Variants in IFNA16 observed in about 807,000 individuals in gnomAD.
IFNA16 encodes interferon alpha 16.
For missense variants in IFNA16, 332 were observed against 213.5 expected (o/e 1.55, Z -3.46); for synonymous variants, 122 against 83.3 (o/e 1.46, Z -2.53).
In IFNA16 at chr9:21,216,907, G is replaced by A. The variant is rs1241845133; in HGVS notation, c.399C>T (p.Ala133=). The change falls in exon 1 of 1, where the codon GCC becomes GCT. Residue 133 remains alanine (A), a synonymous_variant. Transcript: ENST00000380216. ...CCAGGATGGAGTCCTCATTCATCAG[G>A]GCAATCTCTTCCACCCCAACCTCCT... ...VTQEVGVEEI[A]LMNEDSILAV... The A allele has an allele frequency of 6.2e-7, 1 of 1,613,844 alleles. No homozygotes were observed. The highest frequency in any genetic ancestry group is 8.5e-7 in the Non-Finnish European group (1 of 1,179,896).
chr9:21,216,726 G>A lies in IFNA16; in HGVS notation c.*10C>T. ...AATCAATGAGGATCATTTCCATGTT[G>A]AATGAGTTTTCAATCCTTCCTTCTT... On this transcript the variant is annotated 3_prime_UTR_variant, in exon 1 of 1. Transcript: ENST00000380216. 6.2e-7 allele frequency: 1 copy of A among 1,611,462 alleles called. No individual in the cohort carries two copies.
At position 21,217,141 on chromosome 9, in the gene IFNA16, G is replaced by C. The variant is rs139396991; in HGVS notation, c.165C>G (p.Asp55Glu). 7.4e-5 allele frequency: 119 copies of C among 1,614,062 alleles called. 1 individual carries two copies. In the African/African-American group the frequency reaches 1.3e-3, roughly 18 times the overall value. The change falls in exon 1 of 1, where the codon GAC (aspartate) becomes GAG (glutamate). Residue 55 changes from aspartate to glutamate, a missense_variant. Physicochemically the swap from Asp to Glu is conservative, Grantham distance 45. Coordinates refer to ENST00000380216, the MANE Select transcript of IFNA16 (RefSeq NM_002173.3). ...GRISHFSCLK[D>E]RYDFGFPQEV... is the part of the protein sequence containing the mutation. ...CCTGGGGGAATCCGAAATCATATCT[G>C]TCCTTCAGGCAGGAGAAATGAGAGA...
Position 21,216,787 on chromosome 9 carries a change from T to C in IFNA16, c.519A>G (p.Arg173=), listed in dbSNP as rs1322035327. ...AWEVVRAEIM[R]SFSFSTNLQK... ...GCAAGTTTGTTGAAAAAGAGAAGGA[T>C]CTCATGATTTCTGCTCTGACAACCT... Residue 173 remains arginine (R), a synonymous_variant, in exon 1 of 1, where the codon AGA becomes AGG. Transcript: ENST00000380216. 1 of 1,613,828 alleles carries C rather than the reference T, an allele frequency of 6.2e-7. No homozygotes were observed.
chr9:21,217,090 C>G lies in IFNA16; in HGVS notation c.216G>C (p.Gln72His). ...PQEVFDGNQF[Q>H]KAQAISAFHE... ...GGAAGGCAGAGATGGCTTGAGCCTT[C>G]TGGAACTGGTTGCCATCAAACACCT... Residue 72 changes from glutamine (Q) to histidine (H), a missense_variant, in exon 1 of 1, where the codon CAG becomes CAC. Physicochemically the swap from Gln to His is conservative, Grantham distance 24. Coordinates refer to ENST00000380216, the MANE Select transcript of IFNA16 (RefSeq NM_002173.3). The G allele has an allele frequency of 6.2e-7, 1 of 1,613,956 alleles. No individual in the cohort carries two copies. Among genetic ancestry groups the G allele is most frequent in the Non-Finnish European group, 8.5e-7 (1 of 1,179,928 alleles).
chr9:21,217,103 C>T lies in IFNA16; in HGVS notation c.203G>A (p.Gly68Asp), dbSNP rs572084461. ...DFGFPQEVFD[G>D]NQFQKAQAIS... ...GGCTTGAGCCTTCTGGAACTGGTTG[C>T]CATCAAACACCTCCTGGGGGAATCC... Residue 68 changes from glycine to aspartate, a missense_variant, in exon 1 of 1, where the codon GGC becomes GAC. Coordinates refer to ENST00000380216, the MANE Select transcript of IFNA16 (RefSeq NM_002173.3). The T allele has an allele frequency of 1.1e-5, 18 of 1,613,954 alleles. No homozygotes were observed. The South Asian group carries it at 1.5e-4, about 14-fold the overall frequency.
rs1818459778 is a variant in IFNA16, at chr9:21,216,766, G to C, written c.540C>G (p.Asn180Lys). ...CCTTCCTTCTTAATCCTTTTTGCAA[G>C]TTTGTTGAAAAAGAGAAGGATCTCA... ...EIMRSFSFST[N>K]LQKGLRRKD Residue 180 changes from asparagine to lysine, a missense_variant, in exon 1 of 1, where the codon AAC becomes AAG. Transcript: ENST00000380216. 1.9e-6 allele frequency: 3 copies of C among 1,610,976 alleles called. No individual in the cohort carries two copies. The highest frequency in any genetic ancestry group is 1.7e-5 in the Admixed American group (1 of 59,110).
rs1278974777 is a variant in IFNA16 at position 21,216,782 on chromosome 9, A to G, written c.524T>C (p.Phe175Ser). 1 of 1,613,786 alleles carries G rather than the reference A, an allele frequency of 6.2e-7. No homozygotes were observed. The highest frequency in any genetic ancestry group is 2.2e-5 in the East Asian group (1 of 44,876). ...EVVRAEIMRS[F>S]SFSTNLQKGL... Reference sequence around the variant, plus strand: ...TTTTTGCAAGTTTGTTGAAAAAGAGAAGGATCTCATGATTTCTGCTCTGAC... The same window carrying G: ...TTTTTGCAAGTTTGTTGAAAAAGAGGAGGATCTCATGATTTCTGCTCTGAC... Residue 175 changes from phenylalanine (F) to serine (S), a missense_variant, in exon 1 of 1, where the codon TTC (phenylalanine) becomes TCC (serine). By Grantham distance (155) the Phe-to-Ser change is radical (BLOSUM62 -2). Coordinates refer to ENST00000380216, the MANE Select transcript of IFNA16 (RefSeq NM_002173.3).
rs41313958 is a variant in IFNA16, at chr9:21,217,160, T to G, written c.146A>C (p.His49Pro). The change falls in exon 1 of 1, where the codon CAT (histidine) becomes CCT (proline). Residue 49 changes from histidine (H) to proline (P), a missense_variant. By Grantham distance (77) the His-to-Pro change is moderately conservative. Coordinates refer to ENST00000380216, the MANE Select transcript of IFNA16 (RefSeq NM_002173.3). The part of the protein sequence containing the change: ...ILLAQMGRIS[H>P]FSCLKDRYDF... The stretch of plus-strand genomic sequence containing the variant: ...ATATCTGTCCTTCAGGCAGGAGAAA[T>G]GAGAGATTCTTCCCATTTGTGCCAG... 11,937 of 1,613,708 alleles carry G rather than the reference T, an allele frequency of 7.4e-3. 91 individuals are homozygous for G. The highest frequency in any genetic ancestry group is 0.033 in the Middle Eastern group (199 of 6,058).
At position 21,216,900 on chromosome 9, in the gene IFNA16, T is replaced by C; in HGVS notation, c.406A>G (p.Asn136Asp). ...EVGVEEIALM[N>D]EDSILAVRKY... ...CTCACAGCCAGGATGGAGTCCTCAT[T>C]CATCAGGGCAATCTCTTCCACCCCA... The change falls in exon 1 of 1, where the codon AAT becomes GAT. Residue 136 changes from asparagine to aspartate, a missense_variant. Coordinates refer to ENST00000380216, the MANE Select transcript of IFNA16 (RefSeq NM_002173.3). The C allele has an allele frequency of 6.2e-7, 1 of 1,613,916 alleles. No individual in the cohort carries two copies. Among genetic ancestry groups the C allele is most frequent in the Non-Finnish European group, 8.5e-7 (1 of 1,179,868 alleles).
chr9:21,216,612 A>T lies in IFNA16; in HGVS notation c.*124T>A, dbSNP rs1286202697. The T allele has an allele frequency of 7.1e-7, 1 of 1,414,188 alleles. No individual in the cohort carries two copies. The highest frequency in any genetic ancestry group is 2.3e-5 in the East Asian group (1 of 43,082). 87.6% of individuals were successfully genotyped at this position (1,414,188 alleles called of 1,614,324 possible). On this transcript the variant is annotated 3_prime_UTR_variant, in exon 1 of 1. Coordinates refer to ENST00000380216, the MANE Select transcript of IFNA16 (RefSeq NM_002173.3). ...CACGATGCTTCTTTACACTCCTGAA[A>T]ACATTTGAAAATTTTGATTCAACTT...
In IFNA16 at chr9:21,216,984, A is replaced by G. The variant is rs781535699; in HGVS notation, c.322T>C (p.Phe108Leu). The change falls in exon 1 of 1, where the codon TTC (phenylalanine) becomes CTC (leucine). Residue 108 changes from phenylalanine (F) to leucine (L), a missense_variant. By Grantham distance (22) the Phe-to-Leu change is conservative. Coordinates refer to ENST00000380216, the MANE Select transcript of IFNA16 (RefSeq NM_002173.3). ...AGTTGCTGGAAAAGTTCAATGTAGA[A>G]TTTGTCTAGGAGGGTCTCATCCCAA... is the stretch of plus-strand genomic sequence containing the variant. Reference protein sequence around the residue: ...AAWDETLLDKFYIELFQQLND... With the variant: ...AAWDETLLDKLYIELFQQLND... The G allele has an allele frequency of 3.3e-5, 54 of 1,613,716 alleles. No individual in the cohort carries two copies. The Middle Eastern group carries it at 6.6e-4, about 20-fold the overall frequency.
chr9:21,216,928 C>A lies in IFNA16; in HGVS notation c.378G>T (p.Glu126Asp), dbSNP rs1447229582. The stretch of plus-strand genomic sequence containing the variant: ...TCAGGGCAATCTCTTCCACCCCAAC[C>A]TCCTGTGTCACACAGGCTTCTAGGT... The part of the protein sequence containing the change: ...LNDLEACVTQ[E>D]VGVEEIALMN... The change falls in exon 1 of 1, where the codon GAG becomes GAT. Residue 126 changes from glutamate to aspartate, a missense_variant. By Grantham distance (45) the Glu-to-Asp change is conservative (BLOSUM62 2). Coordinates refer to ENST00000380216, the MANE Select transcript of IFNA16 (RefSeq NM_002173.3). The A allele has an allele frequency of 6.2e-7, 1 of 1,614,030 alleles. No individual in the cohort carries two copies. Among genetic ancestry groups the A allele is most frequent in the Non-Finnish European group, 8.5e-7 (1 of 1,179,972 alleles).
rs1414466568 is a variant in IFNA16 at position 21,216,547 on chromosome 9, G to A, written c.*189C>T. The A allele has an allele frequency of 1.8e-6, 1 of 556,754 alleles. No individual in the cohort carries two copies. Among genetic ancestry groups the A allele is most frequent in the Non-Finnish European group, 2.9e-6 (1 of 345,060 alleles). 34.5% of individuals were successfully genotyped at this position (556,754 alleles called of 1,614,324 possible). A position where few individuals can be genotyped will look rare whatever the true frequency, so the allele number is the denominator to read the frequency against. On this transcript the variant is annotated 3_prime_UTR_variant, in exon 1 of 1. Coordinates refer to ENST00000380216, the MANE Select transcript of IFNA16 (RefSeq NM_002173.3). ...AATAAATAGATGAATAGAGACATCA[G>A]CATGGTCATCTGTAAAGGACTAGTG...
rs2132939038 is a variant in IFNA16, at chr9:21,216,912, T to C, written c.394A>G (p.Ile132Val). 1 of 1,613,938 alleles carries C rather than the reference T, an allele frequency of 6.2e-7. No homozygotes were observed. Among genetic ancestry groups the C allele is most frequent in the African/African-American group, 1.3e-5 (1 of 74,998 alleles). The stretch of plus-strand genomic sequence containing the variant: ...ATGGAGTCCTCATTCATCAGGGCAA[T>C]CTCTTCCACCCCAACCTCCTGTGTC... ...CVTQEVGVEE[I>V]ALMNEDSILA... is the part of the protein sequence containing the mutation. The change falls in exon 1 of 1, where the codon ATT (isoleucine) becomes GTT (valine). Residue 132 changes from isoleucine to valine, a missense_variant. Physicochemically the swap from Ile to Val is conservative, Grantham distance 29. Transcript: ENST00000380216.
rs776522247 is a variant in IFNA16 at position 21,216,850 on chromosome 9, A to G, written c.456T>C (p.Leu152=). 8.1e-6 allele frequency: 13 copies of G among 1,613,998 alleles called. No individual in the cohort carries two copies. Among genetic ancestry groups the G allele is most frequent in the Non-Finnish European group, 1.0e-5 (12 of 1,179,946 alleles). ...GGCTGTATTTCTTCCCCATCAGATA[A>G]AGAGTGATTCTTTGAAAGTATTTCC... ...AVRKYFQRIT[L]YLMGKKYSPC... Residue 152 remains leucine, a synonymous_variant, in exon 1 of 1, where the codon CTT becomes CTC. Transcript: ENST00000380216.
In IFNA16 at chr9:21,216,778, A is replaced by G; in HGVS notation, c.528T>C (p.Ser176=). The G allele has an allele frequency of 1.9e-6, 3 of 1,613,660 alleles. No individual in the cohort carries two copies. Among genetic ancestry groups the G allele is most frequent in the East Asian group, 4.5e-5 (2 of 44,874 alleles). The part of the protein sequence containing the change: ...VVRAEIMRSF[S]FSTNLQKGLR... ...ATCCTTTTTGCAAGTTTGTTGAAAA[A>G]GAGAAGGATCTCATGATTTCTGCTC... The change falls in exon 1 of 1, where the codon TCT becomes TCC. Residue 176 remains serine, a synonymous_variant. Coordinates refer to ENST00000380216, the MANE Select transcript of IFNA16 (RefSeq NM_002173.3).
At position 21,217,029 on chromosome 9, in the gene IFNA16, T is replaced by G; in HGVS notation, c.277A>C (p.Thr93Pro). The G allele has an allele frequency of 2.5e-6, 4 of 1,613,890 alleles. No individual in the cohort carries two copies. The highest frequency in any genetic ancestry group is 2.5e-6 in the Non-Finnish European group (3 of 1,179,876). ...MIQQTFNLFS[T>P]KDSSAAWDET... ...TCCCAAGCAGCAGATGAATCCTTTG[T>G]GCTGAAGAGATTGAAGGTCTGCTGG... The change falls in exon 1 of 1, where the codon ACA becomes CCA. Residue 93 changes from threonine (T) to proline (P), a missense_variant. By Grantham distance (38) the Thr-to-Pro change is conservative (BLOSUM62 -1). Coordinates refer to ENST00000380216, the MANE Select transcript of IFNA16 (RefSeq NM_002173.3).
Position 21,217,295 on chromosome 9 carries a change from G to A in IFNA16, c.11C>T (p.Ser4Phe), listed in dbSNP as rs1240205116. 1.2e-6 allele frequency: 2 copies of A among 1,610,316 alleles called. No individual in the cohort carries two copies. Among genetic ancestry groups the A allele is most frequent in the South Asian group, 1.1e-5 (1 of 90,574 alleles). MAL[S>F]FSLLMAVLVL... ...CAGCACGGCCATCAGTAAAGAAAAGGACAGGGCCATTGGGATGTTGCAAAT... is the reference window on the plus strand; with the variant it reads ...CAGCACGGCCATCAGTAAAGAAAAGAACAGGGCCATTGGGATGTTGCAAAT... The change falls in exon 1 of 1, where the codon TCC becomes TTC. Residue 4 changes from serine (S) to phenylalanine (F), a missense_variant. Transcript: ENST00000380216.
rs756020095 is a variant in IFNA16 at position 21,217,225 on chromosome 9, A to G, written c.81T>C (p.Pro27=). Residue 27 remains proline (P), a synonymous_variant, in exon 1 of 1, where the codon CCT becomes CCC. Transcript: ENST00000380216. ...KSICSLGCDL[P]QTHSLGNRRA... ...TCCTATTACCCAGGCTGTGAGTCTG[A>G]GGCAGATCACAGCCCAGAGAACAGA... 23 of 1,613,900 alleles carry G rather than the reference A, an allele frequency of 1.4e-5. No individual in the cohort carries two copies. Among genetic ancestry groups the G allele is most frequent in the Non-Finnish European group, 1.5e-5 (18 of 1,179,958 alleles).
Sources: allele counts gnomAD v4.1 joint callset, GRCh38; gene constraint gnomAD v4.1.1; transcripts MANE v1.5; gene names NCBI Gene and HGNC (gene_info 2026-07-23, HGNC 2026-07-21).